The following RERE variants were observed in gnomAD, a reference collection of about 807,000 sequenced individuals.
RERE encodes arginine-glutamic acid dipeptide repeats.
In RERE, 40 loss-of-function variants were observed where a neutral mutation model predicts 146.1. That is an observed-to-expected ratio of 0.27 (90% CI 0.21 to 0.36). The LOEUF (loss-of-function observed/expected upper bound fraction) is 0.36. Among genes scored for constraint, RERE ranks in the 10% least tolerant of loss-of-function variants. The pLI, the probability that RERE is intolerant of heterozygous loss-of-function variation, is 1.00. For synonymous variants in RERE, 1,003 were observed against 866.0 expected (o/e 1.16, Z -2.78); for missense variants, 1,933 against 2,138.7 (o/e 0.90, Z 1.90).
chr1:8,772,280 A>G (rs1477046604), intron 1 of RERE, among the ~76,000 whole-genome samples: 3 of 152,096 alleles, frequency 2.0e-5, no homozygotes, highest in African/African-American at 7.2e-5. Flanking sequence ...ACTGAAACTT[A>G]CTGCTACTTG....
chr1:8,533,140 T>A (rs1645679340), intron 7 of RERE, among the ~76,000 whole-genome samples: 1 of 152,208 alleles, frequency 6.6e-6, no homozygotes, highest in Admixed American at 6.5e-5. Flanking sequence ...ATTTCCTCTT[T>A]CTTCCAGGCG....
intron 11 of RERE, among the ~76,000 whole-genome samples, chr1:8,438,162 A>AT (rs1232834474): frequency 1.3e-5 from 2 of 151,988 alleles, no homozygotes; most frequent in Non-Finnish European, 2.9e-5. Flanking sequence ...TTTTAAAAAT[A>AT]TTTTTTTGTA....
chr1:8,770,092 C>A (rs954577108), intron 1 of RERE, among the ~76,000 whole-genome samples: 1 of 151,944 alleles, frequency 6.6e-6, no homozygotes, highest in Non-Finnish European at 1.5e-5. Context: ...GCCCGGCCAA[C>A]ACCATTAATT....
chr1:8,512,014 C>CTTTTTTTTTTTTTTTT lies in RERE; in HGVS notation c.831-3355_831-3340dup, dbSNP rs763835328. The CTTTTTTTTTTTTTTTT allele has an allele frequency of 2.4e-3, 95 of 38,920 alleles. 22 individuals carry two copies. The highest frequency in any genetic ancestry group is 4.0e-3 in the Admixed American group (10 of 2,528). 2.4% of individuals were successfully genotyped at this position (38,920 alleles called of 1,614,324 possible). The stretch of plus-strand genomic sequence containing the variant: ...GTATCAACAGCTTGTAGGAAACACT[C>CTTTTTTTTTTTTTTTT]TTTTTTTTTTTTTTTTTTTTTTTTT... On this transcript the variant is annotated intron_variant, in intron 7 of 22. Coordinates refer to ENST00000400908, the MANE Select transcript of RERE (RefSeq NM_001042681.2).
At chr1:8,436,315 T>C (rs1644169265) in intron 11 of RERE, among the ~76,000 whole-genome samples, 1 of 152,076 alleles carries the variant, frequency 6.6e-6, no homozygotes, top group Non-Finnish European at 1.5e-5. Flanking sequence ...CGAGACTCAA[T>C]CTCAAATAAA....
At chr1:8,590,194 T>C (rs1646476082) in intron 4 of RERE, among the ~76,000 whole-genome samples, 1 of 151,764 alleles carries the variant, frequency 6.6e-6, no homozygotes, top group South Asian at 2.1e-4. Context: ...ATAAAAACAA[T>C]AAAGATATGA....
At chr1:8,386,022 A>T (rs7512939) in intron 12 of RERE, among the ~76,000 whole-genome samples, 705 of 26,680 alleles carry the variant, frequency 0.026, 50 homozygotes, top group East Asian at 0.13. Context: ...ATATATATAT[A>T]TTTTTTTTTT....
chr1:8,592,885 G>A lies in RERE; in HGVS notation c.522+21676C>T, dbSNP rs545118862. The stretch of plus-strand genomic sequence containing the variant: ...ATTAAAATACAAATACATGTAAAAC[G>A]TGTTGAAACTGTTCTTACCTACAAT... On this transcript the variant is annotated intron_variant, in intron 4 of 22. Coordinates refer to ENST00000400908, the MANE Select transcript of RERE (RefSeq NM_001042681.2). 4.8e-4 allele frequency among the ~76,000 whole-genome samples: 73 copies of A among 152,202 alleles called. 2 individuals carry two copies. The South Asian group carries it at 0.015, about 32-fold the overall frequency.
At chr1:8,700,829 CA>C (rs1293151859) in intron 1 of RERE, among the ~76,000 whole-genome samples, 3 of 152,104 alleles carry the variant, frequency 2.0e-5, no homozygotes, top group Non-Finnish European at 4.4e-5. Context: ...TCTCAGCCTA[CA>C]CAATAGCAAG....
rs1047425335 is a variant in RERE at position 8,541,148 on chromosome 1, T to TACAC, written c.830+62_830+65dup. The TACAC allele has an allele frequency of 1.2e-3, 983 of 803,286 alleles. 6 individuals carry two copies. Among genetic ancestry groups the TACAC allele is most frequent in the Non-Finnish European group, 5.9e-5 (29 of 488,566 alleles). 49.8% of individuals were successfully genotyped at this position (803,286 alleles called of 1,614,324 possible). On this transcript the variant is annotated intron_variant, in intron 7 of 22. Coordinates refer to ENST00000400908, the MANE Select transcript of RERE (RefSeq NM_001042681.2). ...AGCATAAACTACACACACACACACA[T>TACAC]ACACACACACACAAATGAGAAAAGG...
chr1:8,578,444 A>G (rs1209497159), intron 4 of RERE, among the ~76,000 whole-genome samples: 1 of 152,218 alleles, frequency 6.6e-6, no homozygotes, highest in Non-Finnish European at 1.5e-5. Flanking sequence ...CTAATCTTTG[A>G]ATATATGCTG....
chr1:8,750,353 T>A, intron 1 of RERE: 1 of 620,638 alleles, frequency 1.6e-6, no homozygotes, highest in Non-Finnish European at 2.9e-6. Flanking sequence ...GAAACCATTC[T>A]GCCTCATTCA....
intron 8 of RERE, among the ~76,000 whole-genome samples, chr1:8,500,337 T>C (rs1479659223): frequency 2.0e-5 from 3 of 152,162 alleles, no homozygotes; most frequent in African/African-American, 7.2e-5. Context: ...AGAAATATAA[T>C]TAGACAGTTT....
At chr1:8,464,373 C>T (rs1473045015) in intron 11 of RERE, among the ~76,000 whole-genome samples, 1 of 152,154 alleles carries the variant, frequency 6.6e-6, no homozygotes, top group African/African-American at 2.4e-5. Flanking sequence ...GCCTGGATCT[C>T]GCTGCTTCTT....
intron 10 of RERE, among the ~76,000 whole-genome samples, chr1:8,469,888 A>AT (rs1644657546): frequency 6.6e-6 from 1 of 152,170 alleles, no homozygotes; most frequent in Non-Finnish European, 1.5e-5. Context: ...AGCCTGCACA[A>AT]TGCCCCTCAG....
At chr1:8,366,372 T>C (rs1641803741) in intron 12 of RERE, among the ~76,000 whole-genome samples, 1 of 152,256 alleles carries the variant, frequency 6.6e-6, no homozygotes, top group Non-Finnish European at 1.5e-5. Flanking sequence ...TCTGTGCATG[T>C]GTGTGAACAC....
chr1:8,752,241 T>A (rs1487200507), intron 1 of RERE, among the ~76,000 whole-genome samples: 1 of 152,098 alleles, frequency 6.6e-6, no homozygotes, highest in Non-Finnish European at 1.5e-5. Flanking sequence ...AAGGCGATCA[T>A]ACGATGATGA....
chr1:8,693,358 G>C (rs968050541), intron 1 of RERE, among the ~76,000 whole-genome samples: 1 of 152,168 alleles, frequency 6.6e-6, no homozygotes, highest in Non-Finnish European at 1.5e-5. Flanking sequence ...TCCTTCGGTA[G>C]GTAAGCAGAT....
At chr1:8,402,623 T>A (rs1162378680) in intron 12 of RERE, among the ~76,000 whole-genome samples, 1 of 152,126 alleles carries the variant, frequency 6.6e-6, no homozygotes, top group East Asian at 1.9e-4. Context: ...CATTGCTGGG[T>A]TCAGTTCGGT....
Sources: gnomAD v4.1 joint callset for allele counts (sites outside exome capture counted in the v4.1 genomes callset) on GRCh38, gnomAD v4.1.1 for gene constraint, MANE v1.5 for transcripts, NCBI Gene and HGNC (gene_info 2026-07-23, HGNC 2026-07-21) for gene names.